DYRK2: variants seen among roughly 807,000 people sequenced by gnomAD.
DYRK2 encodes the protein dual specificity tyrosine-phosphorylation-regulated kinase 2.
DYRK2 carries 12 observed loss-of-function variants against 41.6 expected under a neutral mutation model. The observed-to-expected ratio is 0.29, with a 90% CI of 0.18 to 0.47. The LOEUF (loss-of-function observed/expected upper bound fraction) is 0.47, where lower values mean the gene tolerates loss of function less well. Among genes scored for constraint, DYRK2 ranks in the 20% least tolerant of loss-of-function variants. The pLI is 1.00. For synonymous variants in DYRK2, 322 were observed against 315.7 expected (o/e 1.02, Z -0.21); for missense variants, 678 against 798.4 (o/e 0.85, Z 1.82).
At chr12:67,654,031 C>T (rs1872398902) in intron 2 of DYRK2, among the ~76,000 whole-genome samples, 1 of 152,162 alleles carries the variant, frequency 6.6e-6, no homozygotes, top group Admixed American at 6.5e-5. Flanking sequence ...CCCCTAAAAG[C>T]CCTAATGAGG....
In DYRK2 at chr12:67,662,423, AAT is replaced by A. The variant is rs1024429488; in HGVS notation, c.*3713_*3714del. ...ATATGCTGCAACTGTGTGTACTGAA[AAT>A]ATGTGAAAATGGTTGAATGTGGACT... On this transcript the variant is annotated 3_prime_UTR_variant, in exon 3 of 3. Transcript: ENST00000344096. The A allele has an allele frequency of 6.0e-6, 1 of 166,906 alleles. No individual in the cohort carries two copies. Among genetic ancestry groups the A allele is most frequent in the Non-Finnish European group, 1.5e-5 (1 of 68,074 alleles). 10.3% of individuals were successfully genotyped at this position (166,906 alleles called of 1,614,324 possible).
At position 67,649,003 on chromosome 12, in the gene DYRK2, C is replaced by T; in HGVS notation, c.-131C>T. ...TGTGTGTGTCTGGCTGTAGCAGACG[C>T]GAGGCGGCGACGAGGCGCCGGGGAC... On this transcript the variant is annotated 5_prime_UTR_variant, in exon 1 of 3. Coordinates refer to ENST00000344096, the MANE Select transcript of DYRK2 (RefSeq NM_006482.3). The T allele has an allele frequency of 1.5e-6, 1 of 677,720 alleles. No homozygotes were observed. Among genetic ancestry groups the T allele is most frequent in the Non-Finnish European group, 2.2e-6 (1 of 456,976 alleles). 42.0% of individuals were successfully genotyped at this position (677,720 alleles called of 1,614,324 possible).
Position 67,657,478 on chromosome 12 carries a change from C to T in DYRK2, c.571C>T (p.Arg191Cys), listed in dbSNP as rs893457223. 6 of 1,613,926 alleles carry T rather than the reference C, an allele frequency of 3.7e-6. No homozygotes were observed. The highest frequency in any genetic ancestry group is 3.3e-4 in the Middle Eastern group (2 of 6,080). The change falls in exon 3 of 3, where the codon CGC (arginine) becomes TGC (cysteine). Residue 191 changes from arginine to cysteine, a missense_variant. By Grantham distance (180) the Arg-to-Cys change is radical (BLOSUM62 -3). Transcript: ENST00000344096. The surrounding 1 kb of genome is among the most constrained non-coding windows in gnomAD (Gnocchi z 4.8). The stretch of plus-strand genomic sequence containing the variant: ...TTTCTTGGGTCTAAATGCTAAGAAG[C>T]GCCAGGGCATGACAGGTGGGCCCAA... ...IYFLGLNAKK[R>C]QGMTGGPNNG...
chr12:67,658,314 T>A lies in DYRK2; in HGVS notation c.1407T>A (p.Thr469=). 6.2e-7 allele frequency: 1 copy of A among 1,614,200 alleles called. No individual in the cohort carries two copies. Residue 469 remains threonine, a synonymous_variant, in exon 3 of 3, where the codon ACT becomes ACA. Transcript: ENST00000344096. This position sits in a 1 kb window ranked among gnomAD's most constrained non-coding sequence, Gnocchi z 4.3. ...ATCCCCGTTACTGCACTGTCACGACTCTCTCAGATGGCTCTGTGGTCCTAA... is the reference window on the plus strand; with the variant it reads ...ATCCCCGTTACTGCACTGTCACGACACTCTCAGATGGCTCTGTGGTCCTAA... ...KGYPRYCTVT[T]LSDGSVVLNG...
intron 2 of DYRK2, 106 bp from the exon 3 acceptor site, chr12:67,657,000 T>C: frequency 8.1e-7 from 1 of 1,236,460 alleles, no homozygotes; most frequent in Non-Finnish European, 1.1e-6. Context: ...CCAAATGGGA[T>C]TTTGTAAATG....
At position 67,649,123 on chromosome 12, in the gene DYRK2, C is replaced by T. The variant is rs763962446; in HGVS notation, c.-11C>T. The T allele has an allele frequency of 1.1e-5, 16 of 1,511,200 alleles. No homozygotes were observed. Among genetic ancestry groups the T allele is most frequent in the Non-Finnish European group, 1.3e-5 (15 of 1,126,662 alleles). The allele number at this position is 1,511,200 out of a possible 1,614,324, so 93.6% of individuals were successfully genotyped here. On this transcript the variant is annotated 5_prime_UTR_variant, in exon 1 of 3. Coordinates refer to ENST00000344096, the MANE Select transcript of DYRK2 (RefSeq NM_006482.3). ...CGGCAGCCCTGAAATGCATTTTCCT[C>T]TCCAGCGGCCATGTTAACCAGGAAA...
intron 2 of DYRK2, chr12:67,651,534 T>C (rs1872321519): frequency 2.2e-6 from 1 of 452,562 alleles, no homozygotes; most frequent in Non-Finnish European, 4.4e-6. Context: ...AGGATGCGAA[T>C]GTGCTTCTCA....
chr12:67,655,985 C>T (rs2620789), intron 2 of DYRK2, among the ~76,000 whole-genome samples: 134,171 of 152,196 alleles, frequency 0.88, 61,596 homozygotes, highest in East Asian at 1. Flanking sequence ...CAGCCAGCCT[C>T]CTGTTAATAC....
At chr12:67,649,674 C>G (rs191337956) in intron 1 of DYRK2, 123 bp from the exon 2 acceptor site, 8 of 1,126,090 alleles carry the variant, frequency 7.1e-6, no homozygotes, top group Non-Finnish European at 7.9e-6. Flanking sequence ...TTTTACTGCC[C>G]CGGTCTCTTC....
Position 67,658,863 on chromosome 12 carries a change from G to T in DYRK2, c.*150G>T. ...CACTTAATTTTAATGTAAGAAAGTTGTTCATTTTGTTTTTATAAAATACAT... is the reference window on the plus strand; with the variant it reads ...CACTTAATTTTAATGTAAGAAAGTTTTTCATTTTGTTTTTATAAAATACAT... On this transcript the variant is annotated 3_prime_UTR_variant, in exon 3 of 3. Transcript: ENST00000344096. The surrounding 1 kb of genome is among the most constrained non-coding windows in gnomAD (Gnocchi z 4.3). 2.2e-6 allele frequency: 2 copies of T among 903,604 alleles called. No individual in the cohort carries two copies. Among genetic ancestry groups the T allele is most frequent in the Non-Finnish European group, 1.6e-6 (1 of 628,854 alleles). The allele number at this position is 903,604 out of a possible 1,614,324, so 56.0% of individuals were successfully genotyped here.
Position 67,658,241 on chromosome 12 carries a change from T to G in DYRK2, c.1334T>G (p.Leu445Arg), listed in dbSNP as rs1565804953. Reference sequence around the variant, plus strand: ...CTGTTGGGCATGCCCTCACAGAAACTGCTGGATGCATCCAAACGAGCCAAA... The same window carrying G: ...CTGTTGGGCATGCCCTCACAGAAACGGCTGGATGCATCCAAACGAGCCAAA... ...IELLGMPSQKLLDASKRAKNF... is the reference protein window; with the variant it reads ...IELLGMPSQKRLDASKRAKNF... Residue 445 changes from leucine (L) to arginine (R), a missense_variant, in exon 3 of 3, where the codon CTG (leucine) becomes CGG (arginine). Leu to Arg is a moderately radical substitution (Grantham distance 102). Around this residue, in one of 2 missense-constraint regions of DYRK2, gnomAD observed 393 missense variants for 519.1 expected, o/e 0.76. Coordinates refer to ENST00000344096, the MANE Select transcript of DYRK2 (RefSeq NM_006482.3). This position sits in a 1 kb window ranked among gnomAD's most constrained non-coding sequence, Gnocchi z 4.3. 6.2e-7 allele frequency: 1 copy of G among 1,614,200 alleles called. No homozygotes were observed. Among genetic ancestry groups the G allele is most frequent in the Non-Finnish European group, 8.5e-7 (1 of 1,180,042 alleles).
Position 67,658,030 on chromosome 12 carries a change from G to A in DYRK2, c.1123G>A (p.Glu375Lys). 1 of 1,614,250 alleles carries A rather than the reference G, an allele frequency of 6.2e-7. No homozygotes were observed. The highest frequency in any genetic ancestry group is 1.1e-5 in the South Asian group (1 of 91,078). ...KVIDFGSSCYEHQRVYTYIQS... is the reference protein window; with the variant it reads ...KVIDFGSSCYKHQRVYTYIQS... ...AATTGATTTTGGCTCCAGTTGTTAC[G>A]AGCATCAGCGTGTCTACACGTACAT... is the stretch of plus-strand genomic sequence containing the variant. The change falls in exon 3 of 3, where the codon GAG becomes AAG. Residue 375 changes from glutamate to lysine, a missense_variant. By Grantham distance (56) the Glu-to-Lys change is moderately conservative. Coordinates refer to ENST00000344096, the MANE Select transcript of DYRK2 (RefSeq NM_006482.3). The surrounding 1 kb of genome is among the most constrained non-coding windows in gnomAD (Gnocchi z 4.3).
intron 2 of DYRK2, among the ~76,000 whole-genome samples, chr12:67,655,119 T>A (rs1417378123): frequency 1.3e-5 from 2 of 152,228 alleles, no homozygotes. Context: ...TATTAAATTA[T>A]GCGAAACACA....
chr12:67,651,130 C>T (rs921962923), intron 2 of DYRK2, among the ~76,000 whole-genome samples: 1 of 152,152 alleles, frequency 6.6e-6, no homozygotes, highest in African/African-American at 2.4e-5. Context: ...ACATCTGGTC[C>T]CAGGGGCTGG....
chr12:67,651,505 G>T (rs1411519750), intron 2 of DYRK2: 1 of 447,412 alleles, frequency 2.2e-6, no homozygotes, highest in African/African-American at 2.0e-5. Flanking sequence ...GGGAGAGCCT[G>T]TGGTGCACCA....
chr12:67,663,036 G>A lies in DYRK2; in HGVS notation c.*4323G>A, dbSNP rs975579755. On this transcript the variant is annotated 3_prime_UTR_variant, in exon 3 of 3. Transcript: ENST00000344096. Reference sequence around the variant, plus strand: ...TCACAATGATAGTTAAGCTGGGGGAGCAGAACCTGTCAATTATTCCCCACC... The same window carrying A: ...TCACAATGATAGTTAAGCTGGGGGAACAGAACCTGTCAATTATTCCCCACC... 2 of 152,050 alleles carry A rather than the reference G, an allele frequency of 1.3e-5. No individual in the cohort carries two copies. Among genetic ancestry groups the A allele is most frequent in the Non-Finnish European group, 2.9e-5 (2 of 67,958 alleles). The allele number at this position is 152,050 out of a possible 1,614,324, so 9.4% of individuals were successfully genotyped here.
Position 67,657,862 on chromosome 12 carries a change from G to A in DYRK2, c.955G>A (p.Gly319Ser). Residue 319 changes from glycine (G) to serine (S), a missense_variant, in exon 3 of 3, where the codon GGC becomes AGC. Coordinates refer to ENST00000344096, the MANE Select transcript of DYRK2 (RefSeq NM_006482.3). The surrounding 1 kb of genome is among the most constrained non-coding windows in gnomAD (Gnocchi z 4.8). The stretch of plus-strand genomic sequence containing the variant: ...GCTCATCAAGAAGAATAAATTCCAG[G>A]GCTTCAGTCTGCCTTTGGTTCGCAA... ...YELIKKNKFQ[G>S]FSLPLVRKFA... The A allele has an allele frequency of 6.2e-7, 1 of 1,614,160 alleles. No homozygotes were observed. The highest frequency in any genetic ancestry group is 8.5e-7 in the Non-Finnish European group (1 of 1,180,036).
intron 2 of DYRK2, among the ~76,000 whole-genome samples, chr12:67,656,395 G>A (rs775822489): frequency 3.9e-5 from 6 of 152,198 alleles, no homozygotes; most frequent in South Asian, 4.1e-4. Context: ...CAGTGTGGTC[G>A]TTGCTTGGTT....
At position 67,654,212 on chromosome 12, in the gene DYRK2, A is replaced by G. The variant is rs115226887; in HGVS notation, c.199-2894A>G. Reference sequence around the variant, plus strand: ...CTCACTAAAAGCAGAGGAGTGTAAAAGTGTGTGGTGTTTTTTGGGTCCTGG... The same window carrying G: ...CTCACTAAAAGCAGAGGAGTGTAAAGGTGTGTGGTGTTTTTTGGGTCCTGG... On this transcript the variant is annotated intron_variant, in intron 2 of 2. Transcript: ENST00000344096. Among the ~76,000 whole-genome samples the G allele has an allele frequency of 5.6e-3, 848 of 152,308 alleles. 10 individuals carry two copies. Among genetic ancestry groups the G allele is most frequent in the African/African-American group, 0.019 (782 of 41,564 alleles).
Sources: gnomAD v4.1 joint callset for allele counts (sites outside exome capture counted in the v4.1 genomes callset) on GRCh38, gnomAD v4.1.1 for gene constraint, gnomAD v4.1.1 regional missense constraint, Gnocchi (gnomAD v3.1) non-coding constraint, MANE v1.5 for transcripts, NCBI Gene and HGNC (gene_info 2026-07-23, HGNC 2026-07-21) for gene names.